RHOJ: variants seen among roughly 807,000 people sequenced by gnomAD.
RHOJ encodes the protein rho-related GTP-binding protein RhoJ.
In RHOJ, 11 loss-of-function variants were observed where a neutral mutation model predicts 23.4. That is an observed-to-expected ratio of 0.47 (90% CI 0.30 to 0.78). The LOEUF (loss-of-function observed/expected upper bound fraction) is 0.78, where lower values mean the gene tolerates loss of function less well. Ranked by LOEUF, RHOJ falls within the 30% of genes least tolerant of loss-of-function variation. The probability of loss-of-function intolerance (pLI) is 0.08; values close to 1 mark genes in which losing one functional copy is unlikely to be tolerated. For synonymous variants in RHOJ, 102 were observed against 102.7 expected, an observed-to-expected ratio of 0.99 and a Z score of 0.04; for missense variants, 254 against 273.4, an observed-to-expected ratio of 0.93 and a Z score of 0.50.
chr14:63,238,013 A>C (rs1894819706), intron 1 of RHOJ, among the ~76,000 whole-genome samples: 1 of 151,896 alleles, frequency 6.6e-6, no homozygotes, highest in African/African-American at 2.4e-5. Flanking sequence ...TATTCACCAC[A>C]CTCTAGATTC....
chr14:63,266,949 G>A (rs1895378761), intron 1 of RHOJ, among the ~76,000 whole-genome samples: 1 of 152,094 alleles, frequency 6.6e-6, no homozygotes, highest in African/African-American at 2.4e-5. Flanking sequence ...AGCCAGCAGT[G>A]CCCCTGCCGC....
intron 1 of RHOJ, among the ~76,000 whole-genome samples, chr14:63,243,809 A>G (rs898922692): frequency 1.3e-5 from 2 of 152,212 alleles, no homozygotes; most frequent in Admixed American, 1.3e-4. Flanking sequence ...GTAATACAAC[A>G]ATAGCAGTAA....
At position 63,293,351 on chromosome 14, in the gene RHOJ, A is replaced by T. The variant is rs1350032838; in HGVS notation, c.*2327A>T. The T allele has an allele frequency of 6.6e-6, 1 of 152,204 alleles. No individual in the cohort carries two copies. The highest frequency in any genetic ancestry group is 1.5e-5 in the Non-Finnish European group (1 of 68,044). 9.4% of individuals were successfully genotyped at this position (152,204 alleles called of 1,614,324 possible). A position where few individuals can be genotyped will look rare whatever the true frequency, so the allele number is the denominator to read the frequency against. On this transcript the variant is annotated 3_prime_UTR_variant, in exon 5 of 5. Transcript: ENST00000316754. Reference sequence around the variant, plus strand: ...CAGGCAAATAGCTCCCGAGGTCACCACTTCCCTAATGGGCCACAGGAAGTA... The same window carrying T: ...CAGGCAAATAGCTCCCGAGGTCACCTCTTCCCTAATGGGCCACAGGAAGTA...
At chr14:63,240,229 C>T (rs1270003744) in intron 1 of RHOJ, among the ~76,000 whole-genome samples, 1 of 152,152 alleles carries the variant, frequency 6.6e-6, no homozygotes, top group Non-Finnish European at 1.5e-5. Context: ...TGTAAATATA[C>T]TTTCTTTCTG....
At chr14:63,287,263 C>T (rs534161793) in intron 4 of RHOJ, among the ~76,000 whole-genome samples, 62 of 152,292 alleles carry the variant, frequency 4.1e-4, no homozygotes, top group African/African-American at 1.4e-3. Context: ...CAGACAAATT[C>T]GAATCTCTGC....
Position 63,238,550 on chromosome 14 carries a change from T to A in RHOJ, c.179-30560T>A, listed in dbSNP as rs1054726278. On this transcript the variant is annotated intron_variant, in intron 1 of 4. Transcript: ENST00000316754. ...ACCCACCTCAGCTCAACCTCCCAAG[T>A]AGCTGGAACTATAGGCACACAACAC... is the stretch of plus-strand genomic sequence containing the variant. Among the ~76,000 whole-genome samples the A allele has an allele frequency of 4.6e-5, 7 of 152,260 alleles. No homozygotes were observed. The East Asian group carries it at 1.4e-3, about 29-fold the overall frequency.
intron 2 of RHOJ, among the ~76,000 whole-genome samples, chr14:63,277,050 A>C (rs1211333238): frequency 6.6e-6 from 1 of 152,220 alleles, no homozygotes; most frequent in East Asian, 1.9e-4. Flanking sequence ...TTCCTAGATA[A>C]GTGAGTTAAG....
intron 1 of RHOJ, among the ~76,000 whole-genome samples, chr14:63,217,085 CTTTTTTTT>C (rs71120253): frequency 0.67 from 100,103 of 148,758 alleles, 36,159 homozygotes; most frequent in Middle Eastern, 0.84. Flanking sequence ...TTCTTTTTTT[CTTTTTTTT>C]TTTATTATTA....
In RHOJ at chr14:63,269,128, G is replaced by A; in HGVS notation, c.197G>A (p.Gly66Asp). ...CCCCTAGTTACTGTGACTGTGGGAG[G>A]CAAGCAACACTTGCTCGGACTGTAT... ...DHYAVTVTVG[G>D]KQHLLGLYDT... The change falls in exon 2 of 5, where the codon GGC (glycine) becomes GAC (aspartate). Residue 66 changes from glycine to aspartate, a missense_variant. Gly to Asp is a moderately conservative substitution (Grantham distance 94). Coordinates refer to ENST00000316754, the MANE Select transcript of RHOJ (RefSeq NM_020663.5). The A allele has an allele frequency of 6.2e-7, 1 of 1,613,000 alleles. No homozygotes were observed. Among genetic ancestry groups the A allele is most frequent in the Non-Finnish European group, 8.5e-7 (1 of 1,179,140 alleles).
At chr14:63,205,517 C>G (rs1338682027) in intron 1 of RHOJ, among the ~76,000 whole-genome samples, 1 of 152,144 alleles carries the variant, frequency 6.6e-6, no homozygotes, top group Non-Finnish European at 1.5e-5. Context: ...TAATAAAACA[C>G]TCATTTTTTC....
At chr14:63,275,866 AT>A (rs1164438307) in intron 2 of RHOJ, among the ~76,000 whole-genome samples, 12 of 152,086 alleles carry the variant, frequency 7.9e-5, no homozygotes, top group Non-Finnish European at 1.5e-4. Context: ...TTGTGAAAAA[AT>A]ATTAAGTTAC....
rs533057752 is a variant in RHOJ at position 63,257,998 on chromosome 14, G to A, written c.179-11112G>A. Among the ~76,000 whole-genome samples the A allele has an allele frequency of 1.2e-4, 18 of 149,654 alleles. 1 individual carries two copies. The East Asian group carries it at 1.3e-3, about 10-fold the overall frequency. ...TCCCAGCACTTTGCGAGGCCGAGGCGGGTGGATCACCTGAGGTCAGGAGTT... is the reference window on the plus strand; with the variant it reads ...TCCCAGCACTTTGCGAGGCCGAGGCAGGTGGATCACCTGAGGTCAGGAGTT... On this transcript the variant is annotated intron_variant, in intron 1 of 4. Transcript: ENST00000316754.
At chr14:63,269,280 TG>T in intron 2 of RHOJ, 112 bp downstream of exon 2, 1 of 680,720 alleles carries the variant, frequency 1.5e-6, no homozygotes, top group Non-Finnish European at 2.5e-6. Flanking sequence ...TCTGATCATT[TG>T]GGGCCAATTT....
At chr14:63,274,017 G>A (rs1024046438) in intron 2 of RHOJ, among the ~76,000 whole-genome samples, 2 of 152,208 alleles carry the variant, frequency 1.3e-5, no homozygotes, top group African/African-American at 4.8e-5. Flanking sequence ...CACTCGCCCA[G>A]GGCTGCTTGT....
At chr14:63,233,474 A>T (rs1482405716) in intron 1 of RHOJ, among the ~76,000 whole-genome samples, 1 of 152,226 alleles carries the variant, frequency 6.6e-6, no homozygotes, top group African/African-American at 2.4e-5. Flanking sequence ...AATAATTGGA[A>T]GGGGGAAAAG....
At chr14:63,269,862 T>C (rs1037912490) in intron 2 of RHOJ, among the ~76,000 whole-genome samples, 4 of 152,330 alleles carry the variant, frequency 2.6e-5, no homozygotes, top group Admixed American at 2.6e-4. Flanking sequence ...TGGGTGAAAA[T>C]GGCACTTAAT....
At chr14:63,222,337 C>G (rs1894513136) in intron 1 of RHOJ, among the ~76,000 whole-genome samples, 1 of 152,108 alleles carries the variant, frequency 6.6e-6, no homozygotes, top group African/African-American at 2.4e-5. Context: ...TGGGTATATA[C>G]CCAGTAATGG....
chr14:63,266,387 T>C (rs1895367490), intron 1 of RHOJ, among the ~76,000 whole-genome samples: 2 of 152,172 alleles, frequency 1.3e-5, no homozygotes, highest in African/African-American at 4.8e-5. Flanking sequence ...TAGCCTGAAC[T>C]AGTTTTTCAG....
At chr14:63,240,495 G>A (rs1382196125) in intron 1 of RHOJ, among the ~76,000 whole-genome samples, 2 of 151,926 alleles carry the variant, frequency 1.3e-5, no homozygotes, top group African/African-American at 2.4e-5. Flanking sequence ...GAAGGGAAAA[G>A]AAAAAAAGAT....
Sources: gnomAD v4.1 joint callset for allele counts (sites outside exome capture counted in the v4.1 genomes callset) on GRCh38, gnomAD v4.1.1 for gene constraint, MANE v1.5 for transcripts, NCBI Gene and HGNC (gene_info 2026-07-23, HGNC 2026-07-21) for gene names.